The following TMEM135 variants were observed in gnomAD, a reference collection of about 807,000 sequenced individuals.
TMEM135 encodes peroxisomal membrane protein 52.
In TMEM135, 30 loss-of-function variants were observed where a neutral mutation model predicts 60.3. The observed-to-expected ratio is 0.50, with a 90% CI of 0.37 to 0.68. The LOEUF is 0.68. TMEM135 is among the 30% of genes least tolerant of loss of function. The probability of loss-of-function intolerance (pLI) is 0.00; values close to 1 mark genes in which losing one functional copy is unlikely to be tolerated. For missense variants in TMEM135, 468 were observed against 548.8 expected, an observed-to-expected ratio of 0.85 and a Z score of 1.47; for synonymous variants, 190 against 186.7, an observed-to-expected ratio of 1.02 and a Z score of -0.14.
chr11:87,124,266 A>G (rs1426682921), intron 4 of TMEM135, among the ~76,000 whole-genome samples: 1 of 152,164 alleles, frequency 6.6e-6, no homozygotes, highest in Non-Finnish European at 1.5e-5. Flanking sequence ...GAGTCTCAGG[A>G]AAAAATGGAA....
intron 6 of TMEM135, among the ~76,000 whole-genome samples, chr11:87,271,699 C>G (rs1941865886): frequency 6.6e-6 from 1 of 151,984 alleles, no homozygotes; most frequent in African/African-American, 2.4e-5. Flanking sequence ...TTTGGGAGGC[C>G]AAGGTAGGCA....
intron 1 of TMEM135, among the ~76,000 whole-genome samples, chr11:87,044,489 T>C (rs1949777434): frequency 6.6e-6 from 1 of 152,154 alleles, no homozygotes; most frequent in African/African-American, 2.4e-5. Flanking sequence ...ATCTGAGCTT[T>C]GGAGACCATG....
intron 1 of TMEM135, among the ~76,000 whole-genome samples, chr11:87,046,589 TG>T (rs1271056325): frequency 6.6e-6 from 1 of 152,170 alleles, no homozygotes; most frequent in African/African-American, 2.4e-5. Context: ...CAGTGCGGTA[TG>T]TAAGTGGAGA....
At chr11:87,186,571 GTTAC>G (rs1939659976) in intron 5 of TMEM135, among the ~76,000 whole-genome samples, 1 of 152,088 alleles carries the variant, frequency 6.6e-6, no homozygotes, top group African/African-American at 2.4e-5. Flanking sequence ...TGAGAAATCT[GTTAC>G]TTACAATAAA....
intron 1 of TMEM135, among the ~76,000 whole-genome samples, chr11:87,040,194 A>T (rs754130247): frequency 1.3e-5 from 2 of 152,258 alleles, no homozygotes; most frequent in Non-Finnish European, 2.9e-5. Flanking sequence ...TATTGCGCAT[A>T]CTAAGGGTAA....
chr11:87,113,884 G>A (rs1170900997), intron 4 of TMEM135, among the ~76,000 whole-genome samples: 1 of 151,978 alleles, frequency 6.6e-6, no homozygotes, highest in African/African-American at 2.4e-5. Flanking sequence ...TATTGTGTAT[G>A]TTGTGAAAAA....
At chr11:87,283,718 C>T (rs1452550581) in intron 6 of TMEM135, among the ~76,000 whole-genome samples, 1 of 151,648 alleles carries the variant, frequency 6.6e-6, no homozygotes, top group Non-Finnish European at 1.5e-5. Flanking sequence ...ATTAGCTGGG[C>T]GTGGTGGCGG....
Position 87,302,489 on chromosome 11 carries a change from TATG to T in TMEM135, c.698+50_698+52del, listed in dbSNP as rs760210448. ...TTTAACCTGCTTTGTCACTGTTTCA[TATG>T]ATATTTGTACCATGCCAAGGTTATT... On this transcript the variant is annotated intron_variant, in intron 8 of 14. Transcript: ENST00000305494. 1.2e-5 allele frequency: 20 copies of T among 1,611,296 alleles called. No individual in the cohort carries two copies. The African/African-American group carries it at 2.7e-4, about 22-fold the overall frequency.
intron 5 of TMEM135, among the ~76,000 whole-genome samples, chr11:87,203,173 C>T (rs1230856701): frequency 6.6e-6 from 1 of 151,884 alleles, no homozygotes; most frequent in East Asian, 1.9e-4. Flanking sequence ...AGACTGGACA[C>T]TTGTTACAAT....
rs143937755 is a variant in TMEM135, at chr11:87,323,065, T to C, written c.*1732T>C. 1 of 454,252 alleles carries C rather than the reference T, an allele frequency of 2.2e-6. No homozygotes were observed. Among genetic ancestry groups the C allele is most frequent in the African/African-American group, 2.0e-5 (1 of 50,104 alleles). The allele number at this position is 454,252 out of a possible 1,614,324, so 28.1% of individuals were successfully genotyped here. A position where few individuals can be genotyped will look rare whatever the true frequency, so the allele number is the denominator to read the frequency against. On this transcript the variant is annotated 3_prime_UTR_variant, in exon 15 of 15. Coordinates refer to ENST00000305494, the MANE Select transcript of TMEM135 (RefSeq NM_022918.4). ...TTTATCCAGAAATTGTGCTTATATATTTTCCTGTCAGGTTTAAAAAGATGT... is the reference window on the plus strand; with the variant it reads ...TTTATCCAGAAATTGTGCTTATATACTTTCCTGTCAGGTTTAAAAAGATGT...
intron 6 of TMEM135, among the ~76,000 whole-genome samples, chr11:87,269,726 T>C (rs1027141541): frequency 4.6e-5 from 7 of 151,608 alleles, no homozygotes; most frequent in Non-Finnish European, 7.4e-5. Context: ...TGCCACATTT[T>C]CTTAATCCAG....
intron 1 of TMEM135, among the ~76,000 whole-genome samples, chr11:87,042,484 T>G (rs1334763597): frequency 1.3e-5 from 2 of 152,224 alleles, no homozygotes; most frequent in African/African-American, 4.8e-5. Context: ...TTTTATGACC[T>G]GCCTTGGGGA....
intron 2 of TMEM135, among the ~76,000 whole-genome samples, chr11:87,068,187 A>G (rs1856704276): frequency 6.6e-6 from 1 of 152,336 alleles, no homozygotes; most frequent in African/African-American, 2.4e-5. Flanking sequence ...CATGCAGTGA[A>G]CAAACTTCAA....
In TMEM135 at chr11:87,322,732, A is replaced by G. The variant is rs1401059324; in HGVS notation, c.*1399A>G. 3 of 453,998 alleles carry G rather than the reference A, an allele frequency of 6.6e-6. No homozygotes were observed. The highest frequency in any genetic ancestry group is 6.9e-5 in the East Asian group (1 of 14,404). The allele number at this position is 453,998 out of a possible 1,614,324, so 28.1% of individuals were successfully genotyped here. ...TATTCAATTTCATCAAGCCTTGTAT[A>G]CTTCTGCTTAAATGTAATTCAATCC... is the stretch of plus-strand genomic sequence containing the variant. On this transcript the variant is annotated 3_prime_UTR_variant, in exon 15 of 15. Transcript: ENST00000305494.
chr11:87,254,794 C>T (rs1239577584), intron 6 of TMEM135, among the ~76,000 whole-genome samples: 4 of 151,964 alleles, frequency 2.6e-5, no homozygotes, highest in South Asian at 2.1e-4. Context: ...GGGTGGATGG[C>T]GAGTGATGGG....
chr11:87,210,333 T>C (rs1045272716), intron 5 of TMEM135, among the ~76,000 whole-genome samples: 3 of 152,132 alleles, frequency 2.0e-5, no homozygotes, highest in Non-Finnish European at 2.9e-5. Flanking sequence ...GAAGGTGATA[T>C]TACCACTGAC....
intron 6 of TMEM135, among the ~76,000 whole-genome samples, chr11:87,281,604 A>G (rs749862556): frequency 1.3e-5 from 2 of 152,262 alleles, no homozygotes; most frequent in Non-Finnish European, 2.9e-5. Context: ...TTCAACAATT[A>G]TATACTTGGC....
intron 4 of TMEM135, among the ~76,000 whole-genome samples, chr11:87,125,613 G>A (rs1353078479): frequency 6.6e-6 from 1 of 152,166 alleles, no homozygotes; most frequent in East Asian, 1.9e-4. Flanking sequence ...ATTATATTTA[G>A]GATATTGTAG....
At chr11:87,277,163 G>C (rs1267537604) in intron 6 of TMEM135, 1 of 172,950 alleles carries the variant, frequency 5.8e-6, no homozygotes, top group African/African-American at 2.4e-5. Flanking sequence ...ACCGAGTCTC[G>C]CTTTGTTGCC....
Sources: allele counts gnomAD v4.1 joint callset (sites outside exome capture counted in the v4.1 genomes callset), GRCh38; gene constraint gnomAD v4.1.1; transcripts MANE v1.5; gene names NCBI Gene and HGNC (gene_info 2026-07-23, HGNC 2026-07-21).